CRPPA: variants seen among roughly 807,000 people sequenced by gnomAD.
CRPPA encodes the protein D-ribitol-5-phosphate cytidylyltransferase.
Under a neutral mutation model 52.0 loss-of-function variants are expected in CRPPA, and 43 were observed. The ratio of observed to expected loss-of-function variants is 0.83; its 90% confidence interval spans 0.65 to 1.07. CRPPA has a LOEUF of 1.07. CRPPA is among the 50% of genes least tolerant of loss of function. The pLI is 0.00. For synonymous variants in CRPPA, 250 were observed against 203.5 expected, an observed-to-expected ratio of 1.23 and a Z score of -1.94; for missense variants, 629 against 551.7, an observed-to-expected ratio of 1.14 and a Z score of -1.40.
rs1213640787 is a variant in CRPPA, at chr7:16,170,679, G to A, written c.1251+45387C>T. Among the ~76,000 whole-genome samples the A allele has an allele frequency of 2.0e-5, 3 of 152,322 alleles. No homozygotes were observed. The East Asian group carries it at 5.8e-4, about 29-fold the overall frequency. ...AGGGGGCGGGGGAGAGAGGGAGCAG[G>A]CTCGGAGCATGGGCATGGTGGGCTG... On this transcript the variant is annotated intron_variant, in intron 9 of 9. Coordinates refer to ENST00000407010, the MANE Select transcript of CRPPA (RefSeq NM_001101426.4).
intron 5 of CRPPA, among the ~76,000 whole-genome samples, chr7:16,286,676 G>C (rs12699776): frequency 0.22 from 34,153 of 152,036 alleles, 4,841 homozygotes; most frequent in Admixed American, 0.31. Flanking sequence ...GTGTATGTGA[G>C]TTGGCTAGGA....
At chr7:16,308,829 A>G (rs1368976807) in intron 3 of CRPPA, among the ~76,000 whole-genome samples, 1 of 152,224 alleles carries the variant, frequency 6.6e-6, no homozygotes, top group Non-Finnish European at 1.5e-5. Context: ...CACGTGAAGC[A>G]AAACAAATAG....
chr7:16,411,391 A>G (rs1788074017), intron 1 of CRPPA, among the ~76,000 whole-genome samples: 1 of 152,152 alleles, frequency 6.6e-6, no homozygotes, highest in East Asian at 1.9e-4. Context: ...ATTTTGGATC[A>G]TTGCATCTAC....
At chr7:16,141,568 G>A (rs1009705146) in intron 9 of CRPPA, among the ~76,000 whole-genome samples, 1 of 152,032 alleles carries the variant, frequency 6.6e-6, no homozygotes, top group African/African-American at 2.4e-5. Flanking sequence ...TATCAAGAAG[G>A]CATCATATTA....
At chr7:16,266,777 C>T (rs1783966337) in intron 6 of CRPPA, among the ~76,000 whole-genome samples, 1 of 152,172 alleles carries the variant, frequency 6.6e-6, no homozygotes. Context: ...CCGTGCCCAG[C>T]CCCGTTTTAT....
At chr7:16,311,407 A>G (rs550585178) in intron 3 of CRPPA, among the ~76,000 whole-genome samples, 2 of 152,272 alleles carry the variant, frequency 1.3e-5, no homozygotes, top group South Asian at 4.1e-4. Context: ...TGTCTTTTCC[A>G]GAAATAAATA....
rs763348865 is a variant in CRPPA at position 16,308,554 on chromosome 7, T to C, written c.758A>G (p.Lys253Arg). 1 of 1,609,946 alleles carries C rather than the reference T, an allele frequency of 6.2e-7. No individual in the cohort carries two copies. Among genetic ancestry groups the C allele is most frequent in the Non-Finnish European group, 8.5e-7 (1 of 1,177,524 alleles). ...LALKYCCTKA[K>R]LVEGSPDLWK... ...GAGGTCAGGTGATCCTTCTACAAGT[T>C]TGGCTTTAGTGCAACAGTATTTTAG... The change falls in exon 4 of 10, where the codon AAA (lysine) becomes AGA (arginine). Residue 253 changes from lysine (K) to arginine (R), a missense_variant. Lys to Arg is a conservative substitution (Grantham distance 26). Coordinates refer to ENST00000407010, the MANE Select transcript of CRPPA (RefSeq NM_001101426.4).
intron 5 of CRPPA, among the ~76,000 whole-genome samples, chr7:16,280,729 T>C (rs1212028623): frequency 6.6e-6 from 1 of 152,086 alleles, no homozygotes; most frequent in African/African-American, 2.4e-5. Flanking sequence ...GAATTCAAAA[T>C]CTATTTGCTG....
intron 9 of CRPPA, among the ~76,000 whole-genome samples, chr7:16,177,819 A>C (rs10225386): frequency 0.035 from 5,254 of 152,180 alleles, 298 homozygotes; most frequent in African/African-American, 0.12. Flanking sequence ...TTATAAAACC[A>C]ACTATCTTCT....
chr7:16,316,383 A>C (rs1785144790), intron 3 of CRPPA, among the ~76,000 whole-genome samples: 1 of 152,136 alleles, frequency 6.6e-6, no homozygotes, highest in Non-Finnish European at 1.5e-5. Context: ...TGCCCAAAAA[A>C]GTTATATTGT....
At chr7:16,290,315 A>G (rs1036805496) in intron 5 of CRPPA, among the ~76,000 whole-genome samples, 4 of 152,124 alleles carry the variant, frequency 2.6e-5, no homozygotes, top group African/African-American at 9.6e-5. Flanking sequence ...TGAAATGTGT[A>G]TGGAACCACA....
At chr7:16,393,252 C>T (rs1438287027) in intron 2 of CRPPA, among the ~76,000 whole-genome samples, 6 of 152,036 alleles carry the variant, frequency 3.9e-5, no homozygotes, top group African/African-American at 7.3e-5. Context: ...CATATATACA[C>T]AGCAATATTA....
At chr7:16,184,420 G>C (rs1204300390) in intron 9 of CRPPA, among the ~76,000 whole-genome samples, 2 of 151,964 alleles carry the variant, frequency 1.3e-5, no homozygotes, top group African/African-American at 4.8e-5. Context: ...GAACAAATCT[G>C]CTTTTCATAT....
At chr7:16,301,255 AGC>A (rs1179165845) in intron 5 of CRPPA, among the ~76,000 whole-genome samples, 164 bp downstream of exon 5, 3 of 152,250 alleles carry the variant, frequency 2.0e-5, no homozygotes, top group Non-Finnish European at 2.9e-5. Flanking sequence ...CTATTTCTCT[AGC>A]ATGAAACACA....
intron 3 of CRPPA, among the ~76,000 whole-genome samples, chr7:16,350,008 C>T (rs1485218333): frequency 6.6e-6 from 1 of 151,936 alleles, no homozygotes; most frequent in South Asian, 2.1e-4. Context: ...GCAAGGGAAA[C>T]CCAAGTTGTT....
chr7:16,332,875 T>C (rs537017449), intron 3 of CRPPA, among the ~76,000 whole-genome samples: 1 of 151,908 alleles, frequency 6.6e-6, no homozygotes. Context: ...AAAACCCAAG[T>C]CTTATCTACA....
At chr7:16,242,822 G>T (rs1042503285) in intron 8 of CRPPA, among the ~76,000 whole-genome samples, 2 of 152,050 alleles carry the variant, frequency 1.3e-5, no homozygotes, top group Non-Finnish European at 2.9e-5. Flanking sequence ...ATAAGATGTG[G>T]TGTTATCAGG....
intron 3 of CRPPA, among the ~76,000 whole-genome samples, chr7:16,309,877 G>T (rs1002109244): frequency 5.3e-5 from 8 of 152,110 alleles, no homozygotes; most frequent in Non-Finnish European, 1.0e-4. Context: ...CCTATTGGGT[G>T]CCCATAACTA....
intron 9 of CRPPA, among the ~76,000 whole-genome samples, chr7:16,206,321 G>A (rs543267820): frequency 6.6e-6 from 1 of 152,122 alleles, no homozygotes; most frequent in Non-Finnish European, 1.5e-5. Flanking sequence ...ATTTTATATT[G>A]TGCTGATTTC....
Sources: gnomAD v4.1 joint callset for allele counts (sites outside exome capture counted in the v4.1 genomes callset) on GRCh38, gnomAD v4.1.1 for gene constraint, MANE v1.5 for transcripts, NCBI Gene and HGNC (gene_info 2026-07-23, HGNC 2026-07-21) for gene names.